PIK3C3: variants seen among roughly 807,000 people sequenced by gnomAD.
The protein encoded by PIK3C3 is PI3-kinase type 3.
Under a neutral mutation model 126.1 loss-of-function variants are expected in PIK3C3, and 95 were observed. The ratio of observed to expected loss-of-function variants is 0.75; its 90% CI spans 0.64 to 0.89. PIK3C3 has a LOEUF of 0.89. PIK3C3 is among the 40% of genes least tolerant of loss of function. The probability of loss-of-function intolerance (pLI) is 0.00; values close to 1 mark genes in which losing one functional copy is unlikely to be tolerated. For synonymous variants in PIK3C3, 374 were observed against 360.0 expected, an observed-to-expected ratio of 1.04 and a Z score of -0.44; for missense variants, 829 against 1,063.2, an observed-to-expected ratio of 0.78 and a Z score of 3.06.
At chr18:42,046,439 A>T (rs1364200817) in intron 20 of PIK3C3, among the ~76,000 whole-genome samples, 3 of 152,170 alleles carry the variant, frequency 2.0e-5, no homozygotes. Flanking sequence ...ATACACACAT[A>T]TCTTTACTAA....
rs770629565 is a variant in PIK3C3, at chr18:41,957,737, A to G, written c.236A>G (p.Lys79Arg). ...GCCTTGCCAGTGAGAACATCCTACA[A>G]AGCATTTAGTACAAGATGGAAGTAA... ...PLALPVRTSY[K>R]AFSTRWNWNE... The change falls in exon 2 of 25, where the codon AAA becomes AGA. Residue 79 changes from lysine to arginine, a missense_variant. Transcript: ENST00000262039. 2 of 1,612,820 alleles carry G rather than the reference A, an allele frequency of 1.2e-6. No homozygotes were observed. Among genetic ancestry groups the G allele is most frequent in the East Asian group, 2.2e-5 (1 of 44,842 alleles).
intron 3 of PIK3C3, among the ~76,000 whole-genome samples, chr18:41,968,246 A>G (rs1980471392): frequency 6.6e-6 from 1 of 152,200 alleles, no homozygotes; most frequent in Admixed American, 6.5e-5. Flanking sequence ...AAGGAAGGGA[A>G]GCCTTCTGCT....
At chr18:41,983,636 C>A (rs552476178) in intron 4 of PIK3C3, among the ~76,000 whole-genome samples, 3 of 152,074 alleles carry the variant, frequency 2.0e-5, no homozygotes, top group Non-Finnish European at 4.4e-5. Flanking sequence ...TTCTAATGAT[C>A]GTGGAAGTCT....
rs181402052 is a variant in PIK3C3, at chr18:42,065,029, C to T, written c.2523+199C>T. Among the ~76,000 whole-genome samples the T allele has an allele frequency of 7.2e-5, 11 of 152,266 alleles. 1 individual carries two copies. The highest frequency in any genetic ancestry group is 6.5e-4 in the Admixed American group (10 of 15,288). ...TGCAGTCACAGGGAGGAGGAAGCAG[C>T]AGCCCAAAGCTTAAAGAACTGAGCA... On this transcript the variant is annotated intron_variant, in intron 23 of 24. Coordinates refer to ENST00000262039, the MANE Select transcript of PIK3C3 (RefSeq NM_002647.4).
intron 23 of PIK3C3, among the ~76,000 whole-genome samples, chr18:42,066,016 A>C (rs187373114): frequency 1.6e-4 from 24 of 152,282 alleles, no homozygotes; most frequent in African/African-American, 5.8e-4. Context: ...TGCTCTGTAG[A>C]TTTTTTATTT....
At chr18:42,056,589 T>G (rs1364709442) in intron 21 of PIK3C3, among the ~76,000 whole-genome samples, 1 of 152,190 alleles carries the variant, frequency 6.6e-6, no homozygotes, top group African/African-American at 2.4e-5. Flanking sequence ...TGTAATATTG[T>G]GAGCTTCTTA....
chr18:42,033,728 A>T (rs1983926512), intron 15 of PIK3C3, 98 bp from the exon 16 acceptor site: 1 of 845,358 alleles, frequency 1.2e-6, no homozygotes, highest in East Asian at 3.0e-5. Flanking sequence ...CTTTGCAAAT[A>T]CTTTTAAGTT....
At chr18:41,988,971 C>A (rs969956863) in intron 5 of PIK3C3, among the ~76,000 whole-genome samples, 8 of 152,022 alleles carry the variant, frequency 5.3e-5, no homozygotes, top group African/African-American at 1.9e-4. Context: ...ATTTTAATTT[C>A]TTTGAAAGAA....
chr18:41,972,696 T>TA (rs1980728152), intron 4 of PIK3C3, among the ~76,000 whole-genome samples: 1 of 152,150 alleles, frequency 6.6e-6, no homozygotes, highest in Non-Finnish European at 1.5e-5. Flanking sequence ...AATGAGTAAT[T>TA]ACTTTTTTAA....
In PIK3C3 at chr18:42,049,550, CTATATACT is replaced by C; in HGVS notation, c.2210_2217del (p.Tyr737TrpfsTer9). Reference sequence around the variant, plus strand: ...CTGCAGCTGGATATTGCGTGATCACCTATATACTTGGAGTTGGAGACAGGCACCTGGAT... The same window carrying C: ...CTGCAGCTGGATATTGCGTGATCACCTGGAGTTGGAGACAGGCACCTGGAT... On this transcript the variant is annotated frameshift_variant, in exon 21 of 25. Coordinates refer to ENST00000262039, the MANE Select transcript of PIK3C3 (RefSeq NM_002647.4). LOFTEE classifies it high-confidence loss of function. 1 of 1,613,554 alleles carries C rather than the reference CTATATACT, an allele frequency of 6.2e-7. No individual in the cohort carries two copies. Among genetic ancestry groups the C allele is most frequent in the South Asian group, 1.1e-5 (1 of 91,052 alleles).
At chr18:42,033,980 G>T (rs755358159) in intron 16 of PIK3C3, 23 bp downstream of exon 16, 11 of 1,526,428 alleles carry the variant, frequency 7.2e-6, no homozygotes. Flanking sequence ...GATATTTAAT[G>T]TGTATGATTG....
At chr18:42,069,193 G>A (rs1985673598) in intron 24 of PIK3C3, among the ~76,000 whole-genome samples, 1 of 152,106 alleles carries the variant, frequency 6.6e-6, no homozygotes, top group South Asian at 2.1e-4. Flanking sequence ...TATTACAAGG[G>A]CTGCCTCAGG....
At chr18:42,029,789 C>T (rs771899548) in intron 15 of PIK3C3, among the ~76,000 whole-genome samples, 38 of 151,852 alleles carry the variant, frequency 2.5e-4, no homozygotes, top group Non-Finnish European at 4.7e-4. Flanking sequence ...GTGATCCACC[C>T]GCCTCAACCT....
intron 4 of PIK3C3, among the ~76,000 whole-genome samples, chr18:41,981,937 T>C (rs572233700): frequency 6.3e-4 from 95 of 151,764 alleles, no homozygotes; most frequent in Admixed American, 1.2e-3. Context: ...TGAGCCGAGA[T>C]CACGCCACTG....
chr18:42,029,431 G>T lies in PIK3C3; in HGVS notation c.1697G>T (p.Arg566Leu). ...GCAGTACAACGCGAAAGTGGAAATC[G>T]TAAGAAAAAGGTAAGCCTATGGTGT... The part of the protein sequence containing the change: ...MKAVQRESGN[R>L]KKKNERLQAL... Residue 566 changes from arginine to leucine, a missense_variant, in exon 15 of 25, where the codon CGT becomes CTT. By Grantham distance (102) the Arg-to-Leu change is moderately radical. Around this residue, in one of 4 missense-constraint regions of PIK3C3, gnomAD observed 256 missense variants for 291.0 expected, o/e 0.88. Coordinates refer to ENST00000262039, the MANE Select transcript of PIK3C3 (RefSeq NM_002647.4). 2 of 1,589,010 alleles carry T rather than the reference G, an allele frequency of 1.3e-6. No homozygotes were observed. The highest frequency in any genetic ancestry group is 1.7e-6 in the Non-Finnish European group (2 of 1,159,006).
rs905113758 is a variant in PIK3C3 at position 42,085,839 on chromosome 18, A to T, written c.*4702A>T. The T allele has an allele frequency of 6.6e-6, 1 of 152,274 alleles. No individual in the cohort carries two copies. The highest frequency in any genetic ancestry group is 2.4e-5 in the African/African-American group (1 of 41,456). The allele number at this position is 152,274 out of a possible 1,614,324, so 9.4% of individuals were successfully genotyped here. A position where few individuals can be genotyped will look rare whatever the true frequency, so the allele number is the denominator to read the frequency against. ...GCTGGCTCATGCCTGTAATGCCAGC[A>T]CTTTGGGAGGCCAAGGCAGGCAGAT... On this transcript the variant is annotated 3_prime_UTR_variant, in exon 25 of 25. Coordinates refer to ENST00000262039, the MANE Select transcript of PIK3C3 (RefSeq NM_002647.4).
rs1347391356 is a variant in PIK3C3, at chr18:42,084,396, C to A, written c.*3259C>A. Reference sequence around the variant, plus strand: ...ATTTTTTACAAGTAAATTTGAAGAACAATGTGAACTTTCTATAATTATATA... The same window carrying A: ...ATTTTTTACAAGTAAATTTGAAGAAAAATGTGAACTTTCTATAATTATATA... On this transcript the variant is annotated 3_prime_UTR_variant, in exon 25 of 25. Coordinates refer to ENST00000262039, the MANE Select transcript of PIK3C3 (RefSeq NM_002647.4). 6.6e-6 allele frequency: 1 copy of A among 151,842 alleles called. No individual in the cohort carries two copies. The highest frequency in any genetic ancestry group is 1.5e-5 in the Non-Finnish European group (1 of 67,940). The allele number at this position is 151,842 out of a possible 1,614,324, so 9.4% of individuals were successfully genotyped here. A position where few individuals can be genotyped will look rare whatever the true frequency, so the allele number is the denominator to read the frequency against.
At chr18:42,065,926 A>C (rs1331464304) in intron 23 of PIK3C3, among the ~76,000 whole-genome samples, 1 of 152,228 alleles carries the variant, frequency 6.6e-6, no homozygotes, top group African/African-American at 2.4e-5. Context: ...TGCCAAGTGT[A>C]TACCTTCTCT....
intron 24 of PIK3C3, among the ~76,000 whole-genome samples, chr18:42,075,128 T>C (rs1372719737): frequency 2.0e-5 from 3 of 152,174 alleles, no homozygotes; most frequent in South Asian, 2.1e-4. Flanking sequence ...TCCTACTTTA[T>C]GGATGCAAAA....
Sources: allele counts gnomAD v4.1 joint callset (sites outside exome capture counted in the v4.1 genomes callset), GRCh38; gene constraint gnomAD v4.1.1; regional missense constraint gnomAD v4.1.1; transcripts MANE v1.5; gene names NCBI Gene and HGNC (gene_info 2026-07-23, HGNC 2026-07-21).